Variants in DMD observed in about 807,000 individuals in gnomAD.
DMD encodes dystrophin.
DMD carries 63 observed loss-of-function variants against 330.1 expected under a neutral mutation model. That is an observed-to-expected ratio of 0.19 (90% CI 0.16 to 0.24). DMD has a LOEUF of 0.24. Ranked by LOEUF, DMD falls within the 10% of genes least tolerant of loss-of-function variation. The probability of loss-of-function intolerance (pLI) is 1.00; values close to 1 mark genes in which losing one functional copy is unlikely to be tolerated. For missense variants in DMD, 3,344 were observed against 2,684.1 expected, an observed-to-expected ratio of 1.25 and a Z score of -5.43; for synonymous variants, 1,223 against 959.8, an observed-to-expected ratio of 1.27 and a Z score of -5.07.
chrX:32,051,123 C>T (rs993245715), intron 44 of DMD, among the ~76,000 whole-genome samples: 2 of 109,394 alleles, frequency 1.8e-5, no homozygotes, highest in African/African-American at 6.7e-5. Context: ...TTTCAGGCTG[C>T]CCTCTTGATC....
At chrX:32,346,741 T>C in intron 38 of DMD, among the ~76,000 whole-genome samples, 1 of 111,709 alleles carries the variant, frequency 9.0e-6, no homozygotes, top group South Asian at 3.7e-4. Context: ...GACTGGAAAA[T>C]GGCTTTAAAC....
At chrX:33,134,549 A>T (rs1326728332) in intron 1 of DMD, among the ~76,000 whole-genome samples, 1 of 111,863 alleles carries the variant, frequency 8.9e-6, no homozygotes, top group East Asian at 2.8e-4. Flanking sequence ...ACAGTTAAAA[A>T]TAATGTATTA....
intron 9 of DMD, among the ~76,000 whole-genome samples, chrX:32,652,308 C>T (rs1261096856): frequency 1.3e-5 from 1 of 76,403 alleles, no homozygotes; most frequent in Admixed American, 1.9e-4. Context: ...CACTACGGGA[C>T]CCAGTGTGTG....
intron 60 of DMD, among the ~76,000 whole-genome samples, chrX:31,422,275 G>A (rs145400990): frequency 0.014 from 1,585 of 110,027 alleles, 22 homozygotes; most frequent in African/African-American, 0.049. Flanking sequence ...CTCTCAAAGT[G>A]CTGGGATTAT....
intron 60 of DMD, among the ~76,000 whole-genome samples, chrX:31,362,931 C>CA (rs1218777306): frequency 8.9e-6 from 1 of 112,472 alleles, no homozygotes; most frequent in Non-Finnish European, 1.9e-5. Flanking sequence ...GCCTGGGTGA[C>CA]AGAGTGAGAC....
chrX:32,854,257 C>T (rs2081364687), intron 2 of DMD, among the ~76,000 whole-genome samples: 1 of 111,400 alleles, frequency 9.0e-6, no homozygotes, highest in African/African-American at 3.3e-5. Flanking sequence ...CCTCTCATCA[C>T]CACATGGAGG....
chrX:32,894,574 G>A (rs186522585), intron 2 of DMD, among the ~76,000 whole-genome samples: 4 of 112,445 alleles, frequency 3.6e-5, no homozygotes, highest in African/African-American at 6.4e-5. Flanking sequence ...CCCAAAACTC[G>A]GGGCCTCAAT....
intron 9 of DMD, among the ~76,000 whole-genome samples, chrX:32,667,767 GTTT>G (rs201162726): frequency 9.3e-4 from 76 of 81,669 alleles, no homozygotes; most frequent in African/African-American, 3.7e-3. Context: ...CTGCTTTTGT[GTTT>G]TTTTTTTTTT....
chrX:31,388,543 A>G (rs1442318687), intron 60 of DMD, among the ~76,000 whole-genome samples: 1 of 112,015 alleles, frequency 8.9e-6, no homozygotes, highest in Non-Finnish European at 1.9e-5. Flanking sequence ...AATTAAAGCG[A>G]AAAAAGACAT....
intron 37 of DMD, among the ~76,000 whole-genome samples, chrX:32,354,848 G>C (rs959977174): frequency 9.0e-5 from 10 of 111,271 alleles, no homozygotes; most frequent in African/African-American, 2.6e-4. Context: ...AAATATATTC[G>C]TGGGTCAAGA....
At chrX:31,429,618 A>AGT (rs1219201754) in intron 60 of DMD, among the ~76,000 whole-genome samples, 1 of 111,739 alleles carries the variant, frequency 8.9e-6, no homozygotes, top group African/African-American at 3.3e-5. Flanking sequence ...AGAAGCTACA[A>AGT]GACTCCTTCT....
intron 52 of DMD, among the ~76,000 whole-genome samples, chrX:31,709,592 G>C (rs1364821087): frequency 9.3e-6 from 1 of 108,070 alleles, no homozygotes; most frequent in African/African-American, 3.4e-5. Flanking sequence ...GTCTGTGTGT[G>C]TGTGTGTGTG....
chrX:32,453,126 G>A (rs2098340884), intron 26 of DMD, among the ~76,000 whole-genome samples: 1 of 110,670 alleles, frequency 9.0e-6, no homozygotes, highest in Admixed American at 9.6e-5. Flanking sequence ...CAAAATCCAT[G>A]TTTACTTCTA....
chrX:32,981,853 AAAT>A (rs2092715725), intron 2 of DMD, among the ~76,000 whole-genome samples: 1 of 111,611 alleles, frequency 9.0e-6, no homozygotes, highest in African/African-American at 3.3e-5. Context: ...TGGAAATAAA[AAAT>A]AAAGAAAAAA....
In DMD at chrX:31,427,494, C is replaced by T. The variant is rs185438725; in HGVS notation, c.9084+16987G>A. Among the ~76,000 whole-genome samples the T allele has an allele frequency of 2.8e-3, 309 of 111,538 alleles. 2 individuals carry two copies. Among genetic ancestry groups the T allele is most frequent in the African/African-American group, 9.6e-3 (293 of 30,674 alleles). The stretch of plus-strand genomic sequence containing the variant: ...GTCCCTCCTATTGGGTAGAGGGTCT[C>T]GAGACTAATGTAGTCACTGATAAAA... On this transcript the variant is annotated intron_variant, in intron 60 of 78. Coordinates refer to ENST00000357033, the MANE Select transcript of DMD (RefSeq NM_004006.3).
intron 1 of DMD, among the ~76,000 whole-genome samples, chrX:33,152,940 G>A (rs895415497): frequency 2.7e-5 from 3 of 112,229 alleles, no homozygotes; most frequent in Non-Finnish European, 5.6e-5. Flanking sequence ...GAAGACAGAA[G>A]GCAATACATT....
chrX:32,717,450 T>C (rs1035879719), intron 7 of DMD, among the ~76,000 whole-genome samples: 1 of 111,634 alleles, frequency 9.0e-6, no homozygotes, highest in Non-Finnish European at 1.9e-5. Context: ...GTGCAGAGTG[T>C]GAGAGTTGAG....
At chrX:31,349,364 T>G (rs2148496900) in intron 60 of DMD, among the ~76,000 whole-genome samples, 1 of 112,376 alleles carries the variant, frequency 8.9e-6, no homozygotes, top group African/African-American at 3.2e-5. Context: ...GAGGCTGCAG[T>G]GAGCAGAGAT....
At chrX:32,286,501 C>T (rs1415578763) in intron 43 of DMD, among the ~76,000 whole-genome samples, 3 of 111,437 alleles carry the variant, frequency 2.7e-5, no homozygotes, top group Admixed American at 1.9e-4. Flanking sequence ...TGCTATAGGG[C>T]AGGCACGAAG....
Sources: allele counts gnomAD v4.1 joint callset (sites outside exome capture counted in the v4.1 genomes callset), GRCh38; gene constraint gnomAD v4.1.1; transcripts MANE v1.5; gene names NCBI Gene and HGNC (gene_info 2026-07-23, HGNC 2026-07-21).